The following RUNX3 variants were observed in gnomAD, a reference collection of about 807,000 sequenced individuals.
RUNX3 encodes runt-related transcription factor 3.
Under a neutral mutation model 27.7 loss-of-function variants are expected in RUNX3, and 10 were observed. The ratio of observed to expected loss-of-function variants is 0.36; its 90% CI spans 0.22 to 0.61. RUNX3 has a LOEUF of 0.61. RUNX3 is among the 20% of genes least tolerant of loss of function. The pLI, the probability that RUNX3 is intolerant of heterozygous loss-of-function variation, is 0.72. For missense variants in RUNX3, 469 were observed against 629.5 expected, an observed-to-expected ratio of 0.75 and a Z score of 2.73; for synonymous variants, 270 against 269.2, an observed-to-expected ratio of 1.00 and a Z score of -0.03.
At chr1:24,910,843 CAT>C (rs1640782458) in intron 3 of RUNX3, among the ~76,000 whole-genome samples, 1 of 152,220 alleles carries the variant, frequency 6.6e-6, no homozygotes, top group South Asian at 2.1e-4. Flanking sequence ...AAGGGGAAAA[CAT>C]GGGCTGGGGG....
At chr1:24,941,376 C>T (rs547488508) in intron 2 of RUNX3, among the ~76,000 whole-genome samples, 6 of 152,322 alleles carry the variant, frequency 3.9e-5, no homozygotes, top group South Asian at 2.1e-4. Context: ...CAACCTCACC[C>T]GAGGAGCCAG....
At chr1:24,918,231 C>A (rs1319139110) in intron 3 of RUNX3, among the ~76,000 whole-genome samples, 1 of 145,170 alleles carries the variant, frequency 6.9e-6, no homozygotes, top group Admixed American at 6.7e-5. Flanking sequence ...AGGGCTAGGC[C>A]TCCTGCCCCA....
chr1:24,951,435 G>C (rs536231809), intron 2 of RUNX3, among the ~76,000 whole-genome samples: 1 of 152,254 alleles, frequency 6.6e-6, no homozygotes, highest in African/African-American at 2.4e-5. Context: ...CATACACTGA[G>C]TTTTATGAAT....
chr1:24,910,197 G>A (rs1279233283), intron 3 of RUNX3, among the ~76,000 whole-genome samples: 3 of 150,916 alleles, frequency 2.0e-5, no homozygotes, highest in Non-Finnish European at 4.4e-5. Context: ...GCTGAGGCAG[G>A]AGAATCGCTT....
At chr1:24,949,419 C>T (rs1307929540) in intron 2 of RUNX3, among the ~76,000 whole-genome samples, 1 of 152,152 alleles carries the variant, frequency 6.6e-6, no homozygotes, top group African/African-American at 2.4e-5. Context: ...GGAGCATTTA[C>T]TGAGCACCTC....
upstream of RUNX3, among the ~76,000 whole-genome samples, chr1:24,930,452 A>G (rs958532623): frequency 1.3e-5 from 2 of 151,094 alleles, no homozygotes; most frequent in Non-Finnish European, 3.0e-5. This position sits in a 1 kb window ranked among gnomAD's most constrained non-coding sequence, Gnocchi z 4.1. Flanking sequence ...GGAAGGCGCC[A>G]CCCCGCGGAG....
intron 2 of RUNX3, among the ~76,000 whole-genome samples, chr1:24,953,577 C>T (rs1279484452): frequency 6.6e-6 from 1 of 152,192 alleles, no homozygotes; most frequent in Non-Finnish European, 1.5e-5. Context: ...CCCCTGGTGG[C>T]TACTGTGTTG....
At chr1:24,912,067 G>A (rs767606043) in intron 3 of RUNX3, among the ~76,000 whole-genome samples, 79 of 152,372 alleles carry the variant, frequency 5.2e-4, no homozygotes, top group Admixed American at 5.9e-4. Context: ...ACTGGGAATA[G>A]GACAGAAGTT....
rs146887912 is a variant in RUNX3 at position 24,964,683 on chromosome 1, A to AG, written c.-97-16dup. On this transcript the variant is annotated splice_polypyrimidine_tract_variant and intron_variant, in intron 1 of 6. Coordinates refer to the RUNX3 transcript ENST00000338888. The stretch of plus-strand genomic sequence containing the variant: ...TCCTCTAGCTACTTTTGAAAATAAA[A>AG]GGGGGGGGTGTTGCTTTTTGTTGTT... 9,405 of 1,512,576 alleles carry AG rather than the reference A, an allele frequency of 6.2e-3. 60 individuals carry two copies. Among genetic ancestry groups the AG allele is most frequent in the African/African-American group, 0.031 (2,226 of 71,126 alleles). The allele number at this position is 1,512,576 out of a possible 1,614,324, so 93.7% of individuals were successfully genotyped here. A position where few individuals can be genotyped will look rare whatever the true frequency, so the allele number is the denominator to read the frequency against.
At position 24,962,768 on chromosome 1, in the gene RUNX3, C is replaced by T. The variant is rs1222476333; in HGVS notation, c.58+1746G>A. Among the ~76,000 whole-genome samples the T allele has an allele frequency of 1.3e-5, 2 of 152,310 alleles. No individual in the cohort carries two copies. The highest frequency in any genetic ancestry group is 3.9e-4 in the East Asian group (2 of 5,182). ...ATGACATGTTGGGCCAAAGCCACCT[C>T]TCCCTTTGTGCCCTTTGTGCTACTG... On this transcript the variant is annotated intron_variant, in intron 2 of 6. Transcript: ENST00000338888. This position sits in a 1 kb window ranked among gnomAD's most constrained non-coding sequence, Gnocchi z 4.5.
intron 2 of RUNX3, among the ~76,000 whole-genome samples, chr1:24,921,846 C>T (rs1025648486): frequency 3.3e-5 from 5 of 152,230 alleles, no homozygotes; most frequent in African/African-American, 1.2e-4. Context: ...CCACAGGGCC[C>T]CGGGCCCACA....
At chr1:24,930,336 G>A (rs1641197351), upstream of RUNX3, 1 of 605,262 alleles carries the variant, frequency 1.7e-6, no homozygotes, top group Non-Finnish European at 2.1e-6. This position sits in a 1 kb window ranked among gnomAD's most constrained non-coding sequence, Gnocchi z 4.1. Flanking sequence ...GGGGCTGGCG[G>A]AGCGACGCGT....
chr1:24,962,904 C>T lies in RUNX3; in HGVS notation c.58+1610G>A, dbSNP rs1012776036. The T allele has an allele frequency of 6.6e-6, 1 of 152,216 alleles. No homozygotes were observed. Among genetic ancestry groups the T allele is most frequent in the African/African-American group, 2.4e-5 (1 of 41,438 alleles). The allele number at this position is 152,216 out of a possible 1,614,324, so 9.4% of individuals were successfully genotyped here. A position where few individuals can be genotyped will look rare whatever the true frequency, so the allele number is the denominator to read the frequency against. On this transcript the variant is annotated intron_variant, in intron 2 of 6. Transcript: ENST00000338888. The surrounding 1 kb of genome is among the most constrained non-coding windows in gnomAD (Gnocchi z 4.5). ...AAACCCTACATTTCTCCATCTTGCG[C>T]ACGGAAGGAGAAATACAGATTACAA...
At chr1:24,936,830 G>T (rs1571334448) in intron 2 of RUNX3, among the ~76,000 whole-genome samples, 1 of 152,246 alleles carries the variant, frequency 6.6e-6, no homozygotes, top group South Asian at 2.1e-4. Context: ...GAGACTGGGG[G>T]CTTTGGCCTT....
intron 2 of RUNX3, chr1:24,964,505 G>A (rs1642205029): frequency 6.2e-7 from 1 of 1,606,094 alleles, no homozygotes; most frequent in Non-Finnish European, 8.5e-7. Context: ...CTGGGCTATT[G>A]TTACTCACCG....
intron 2 of RUNX3, among the ~76,000 whole-genome samples, chr1:24,924,227 A>G (rs1641055113): frequency 6.6e-6 from 1 of 152,204 alleles, no homozygotes; most frequent in Non-Finnish European, 1.5e-5. Flanking sequence ...ATTTTAAAAA[A>G]TCAGCTGAGC....
At chr1:24,940,793 G>A (rs546123397) in intron 2 of RUNX3, among the ~76,000 whole-genome samples, 27 of 152,096 alleles carry the variant, frequency 1.8e-4, no homozygotes, top group Non-Finnish European at 2.8e-4. Flanking sequence ...GATGAGTAGG[G>A]AGAGGGATGC....
rs1641540706 is a variant in RUNX3, at chr1:24,943,882, G to C, written c.59-14030C>G. Among the ~76,000 whole-genome samples, 2 of 152,236 alleles carry C rather than the reference G, an allele frequency of 1.3e-5. No individual in the cohort carries two copies. The highest frequency in any genetic ancestry group is 4.8e-5 in the African/African-American group (2 of 41,448). On this transcript the variant is annotated intron_variant, in intron 2 of 6. Coordinates refer to the RUNX3 transcript ENST00000338888. This position sits in a 1 kb window ranked among gnomAD's most constrained non-coding sequence, Gnocchi z 4.6. ...ATCTAACCTGAATCCCTCGTTTGCAGGGAAAGCCTCTTCCTTCTCATCTTG... is the reference window on the plus strand; with the variant it reads ...ATCTAACCTGAATCCCTCGTTTGCACGGAAAGCCTCTTCCTTCTCATCTTG...
At chr1:24,959,186 C>A (rs1010789906) in intron 2 of RUNX3, among the ~76,000 whole-genome samples, 1 of 152,240 alleles carries the variant, frequency 6.6e-6, no homozygotes, top group Non-Finnish European at 1.5e-5. Context: ...CAGGCCCAGG[C>A]GTCAATGAGC....
Sources: allele counts gnomAD v4.1 joint callset (sites outside exome capture counted in the v4.1 genomes callset), GRCh38; gene constraint gnomAD v4.1.1; non-coding constraint Gnocchi (gnomAD v3.1); transcripts MANE v1.5; gene names NCBI Gene and HGNC (gene_info 2026-07-23, HGNC 2026-07-21).